IL1RAPL1: variants seen among roughly 807,000 people sequenced by gnomAD.
IL1RAPL1 encodes interleukin-1 receptor accessory protein-like 1.
In IL1RAPL1, 3 loss-of-function variants were observed where a neutral mutation model predicts 48.4. That is an observed-to-expected ratio of 0.06 (90% confidence interval 0.03 to 0.16). The LOEUF (loss-of-function observed/expected upper bound fraction) is 0.16. IL1RAPL1 is among the 10% of genes least tolerant of loss of function. The probability of loss-of-function intolerance (pLI) is 1.00; values close to 1 mark genes in which losing one functional copy is unlikely to be tolerated. For synonymous variants in IL1RAPL1, 185 were observed against 187.7 expected (o/e 0.99, Z 0.12); for missense variants, 349 against 530.6 (o/e 0.66, Z 3.36).
intron 2 of IL1RAPL1, among the ~76,000 whole-genome samples, chrX:28,865,132 G>C (rs1922045908): frequency 9.0e-6 from 1 of 111,628 alleles, no homozygotes; most frequent in Non-Finnish European, 1.9e-5. Context: ...TGTTGACAGG[G>C]AGTTGTTAAG....
At chrX:29,943,546 A>C (rs1191628527) in intron 9 of IL1RAPL1, among the ~76,000 whole-genome samples, 1 of 112,077 alleles carries the variant, frequency 8.9e-6, no homozygotes, top group Admixed American at 9.5e-5. Flanking sequence ...ATTTTTTTTA[A>C]ATTTAGTATG....
Position 29,799,939 on chromosome X carries a change from C to T in IL1RAPL1, c.779-117525C>T, listed in dbSNP as rs147797410. Among the ~76,000 whole-genome samples the T allele has an allele frequency of 8.0e-3, 897 of 111,896 alleles. 5 individuals carry two copies. The highest frequency in any genetic ancestry group is 0.012 in the Non-Finnish European group (646 of 53,162). ...AGTGTACAACCTGTTCATTTCCTAT[C>T]GGAGTTGGTTGCCTGGAAATGTTGT... On this transcript the variant is annotated intron_variant, in intron 6 of 10. Coordinates refer to ENST00000378993, the MANE Select transcript of IL1RAPL1 (RefSeq NM_014271.4).
rs770844029 is a variant in IL1RAPL1 at position 29,102,058 on chromosome X, G to GA, written c.83-180873dup. On this transcript the variant is annotated intron_variant, in intron 2 of 10. Transcript: ENST00000378993. ...GGTAAATCATATCAACCGAATGAAG[G>GA]AAAAAAACATAGGATCATTTCAATT... Among the ~76,000 whole-genome samples, 4 of 111,342 alleles carry GA rather than the reference G, an allele frequency of 3.6e-5. No homozygotes were observed. In the South Asian group the frequency reaches 1.1e-3, roughly 31 times the overall value.
chrX:29,656,509 C>T (rs764413012), intron 5 of IL1RAPL1, among the ~76,000 whole-genome samples: 3 of 111,191 alleles, frequency 2.7e-5, no homozygotes, highest in South Asian at 3.8e-4. Flanking sequence ...TAAGTGAGAA[C>T]GTACAATGTT....
intron 3 of IL1RAPL1, among the ~76,000 whole-genome samples, chrX:29,367,129 T>C (rs1933473279): frequency 1.8e-5 from 2 of 111,840 alleles, no homozygotes; most frequent in South Asian, 3.7e-4. Flanking sequence ...TTATTTTATA[T>C]CATAATTATT....
chrX:29,100,534 C>A (rs2147463142), intron 2 of IL1RAPL1, among the ~76,000 whole-genome samples: 1 of 111,834 alleles, frequency 8.9e-6, no homozygotes, highest in Admixed American at 9.5e-5. Flanking sequence ...GGTAGACTTT[C>A]AGTTAGTTTA....
intron 2 of IL1RAPL1, among the ~76,000 whole-genome samples, chrX:29,251,698 G>T (rs1410856691): frequency 9.0e-6 from 1 of 111,146 alleles, no homozygotes; most frequent in African/African-American, 3.3e-5. Context: ...TGAAGTAAAA[G>T]AATGTTTTGT....
At chrX:28,963,763 G>A (rs1924848638) in intron 2 of IL1RAPL1, among the ~76,000 whole-genome samples, 2 of 111,031 alleles carry the variant, frequency 1.8e-5, no homozygotes, top group Non-Finnish European at 1.9e-5. Flanking sequence ...AGGTGGGCTT[G>A]TTTTTCTGTG....
At chrX:28,656,116 A>G (rs1240126255) in intron 1 of IL1RAPL1, among the ~76,000 whole-genome samples, 7 of 112,227 alleles carry the variant, frequency 6.2e-5, no homozygotes, top group Non-Finnish European at 1.3e-4. Flanking sequence ...GTAGGATAAG[A>G]TATCAAACTA....
chrX:29,397,142 C>G (rs377333517), intron 4 of IL1RAPL1, among the ~76,000 whole-genome samples: 1 of 111,749 alleles, frequency 8.9e-6, no homozygotes, highest in South Asian at 3.7e-4. Context: ...TGAATGTACT[C>G]AAAAAATAAA....
intron 5 of IL1RAPL1, among the ~76,000 whole-genome samples, chrX:29,610,272 A>T (rs1924046142): frequency 1.8e-5 from 2 of 111,874 alleles, no homozygotes; most frequent in Admixed American, 1.9e-4. Context: ...CAGTAGAAAG[A>T]CTAATATTTA....
chrX:29,056,801 T>C (rs1319025351), intron 2 of IL1RAPL1, among the ~76,000 whole-genome samples: 1 of 112,005 alleles, frequency 8.9e-6, no homozygotes, highest in East Asian at 2.8e-4. Flanking sequence ...GACATGGCAC[T>C]TCAACCATTC....
At chrX:29,477,584 C>G (rs1934991861) in intron 5 of IL1RAPL1, among the ~76,000 whole-genome samples, 1 of 112,190 alleles carries the variant, frequency 8.9e-6, no homozygotes, top group Non-Finnish European at 1.9e-5. Flanking sequence ...TTTAGTGCAT[C>G]TCTATGTCAG....
intron 1 of IL1RAPL1, among the ~76,000 whole-genome samples, chrX:28,703,373 T>G (rs776719446): frequency 1.8e-5 from 2 of 111,592 alleles, no homozygotes; most frequent in Non-Finnish European, 3.8e-5. Context: ...TGATTATTGA[T>G]GATGATGATG....
intron 6 of IL1RAPL1, among the ~76,000 whole-genome samples, chrX:29,885,040 C>G (rs184852335): frequency 1.0e-5 from 1 of 95,834 alleles, no homozygotes; most frequent in Non-Finnish European, 1.9e-5. Context: ...AATTCTTCAT[C>G]CCCCCGTCTT....
chrX:28,640,070 C>G (rs1934514668), intron 1 of IL1RAPL1, among the ~76,000 whole-genome samples: 1 of 111,520 alleles, frequency 9.0e-6, no homozygotes, highest in Non-Finnish European at 1.9e-5. Flanking sequence ...TTTTCTGAAC[C>G]AGGAACATAT....
Position 29,150,509 on chromosome X carries a change from C to T in IL1RAPL1, c.83-132429C>T, listed in dbSNP as rs1929441361. 1.8e-5 allele frequency among the ~76,000 whole-genome samples: 2 copies of T among 111,197 alleles called. 1 individual carries two copies. Among genetic ancestry groups the T allele is most frequent in the Admixed American group, 1.9e-4 (2 of 10,408 alleles). On this transcript the variant is annotated intron_variant, in intron 2 of 10. Transcript: ENST00000378993. ...ATGGGGACAAGGGGAACCATGACCC[C>T]AAAAGCAAATAAAGCATCTGAGCAT...
rs188023652 is a variant in IL1RAPL1 at position 29,159,144 on chromosome X, A to G, written c.83-123794A>G. Among the ~76,000 whole-genome samples the G allele has an allele frequency of 9.0e-3, 982 of 109,601 alleles. 3 individuals are homozygous for G. Among genetic ancestry groups the G allele is most frequent in the Non-Finnish European group, 0.015 (775 of 52,762 alleles). ...AAAAATGACTTCTTCACAGATTTAT[A>G]TAAATAATATTTTAACTAAGTAATT... On this transcript the variant is annotated intron_variant, in intron 2 of 10. Transcript: ENST00000378993.
intron 1 of IL1RAPL1, among the ~76,000 whole-genome samples, chrX:28,752,459 TC>T (rs1327213679): frequency 8.9e-6 from 1 of 112,113 alleles, no homozygotes; most frequent in Non-Finnish European, 1.9e-5. Context: ...TGCCACTAGC[TC>T]TCCACTTAGC....
Sources: gnomAD v4.1 joint callset for allele counts (sites outside exome capture counted in the v4.1 genomes callset) on GRCh38, gnomAD v4.1.1 for gene constraint, MANE v1.5 for transcripts, NCBI Gene and HGNC (gene_info 2026-07-23, HGNC 2026-07-21) for gene names.